Variants in LRRTM4 observed in about 807,000 individuals in gnomAD.
LRRTM4 encodes leucine-rich repeat transmembrane neuronal protein 4.
A neutral mutation model predicts 47.6 loss-of-function variants in LRRTM4; 25 were observed. The observed-to-expected ratio is 0.53, with a 90% CI of 0.38 to 0.73. LRRTM4 has a LOEUF of 0.73. LRRTM4 is among the 30% of genes least tolerant of loss of function. The pLI, the probability that LRRTM4 is intolerant of heterozygous loss-of-function variation, is 0.00. For synonymous variants in LRRTM4, 311 were observed against 269.5 expected, an observed-to-expected ratio of 1.15 and a Z score of -1.51; for missense variants, 638 against 713.4, an observed-to-expected ratio of 0.89 and a Z score of 1.20.
chr2:76,903,817 A>T (rs1208000601), intron 3 of LRRTM4, among the ~76,000 whole-genome samples: 3 of 152,232 alleles, frequency 2.0e-5, no homozygotes, highest in African/African-American at 7.2e-5. Context: ...GATCATAGAA[A>T]GGTGGCATCG....
intron 3 of LRRTM4, among the ~76,000 whole-genome samples, chr2:76,783,524 T>G (rs950284859): frequency 2.6e-5 from 4 of 152,164 alleles, no homozygotes; most frequent in Admixed American, 2.6e-4. Context: ...CTGTACCTAT[T>G]AAGGCGTAAC....
intron 3 of LRRTM4, among the ~76,000 whole-genome samples, chr2:76,948,879 T>C (rs1675409509): frequency 6.6e-6 from 1 of 151,894 alleles, no homozygotes; most frequent in East Asian, 1.9e-4. Context: ...TTGTACATTT[T>C]ATGAGAAGGA....
At chr2:77,516,913 T>C in intron 3 of LRRTM4, 5 of 984,622 alleles carry the variant, frequency 5.1e-6, no homozygotes, top group Non-Finnish European at 6.0e-6. Context: ...AATTGGAGTA[T>C]ATGCTATCAA....
intron 3 of LRRTM4, among the ~76,000 whole-genome samples, chr2:77,494,429 C>G (rs1292650634): frequency 1.3e-5 from 2 of 151,904 alleles, no homozygotes; most frequent in Non-Finnish European, 2.9e-5. Context: ...ATGAGTTGTG[C>G]TAGTGGTCCC....
chr2:77,039,815 T>C (rs1366537344), intron 3 of LRRTM4, among the ~76,000 whole-genome samples: 3 of 151,128 alleles, frequency 2.0e-5, no homozygotes, highest in Non-Finnish European at 4.5e-5. Context: ...AACAAAATAA[T>C]TAGGACAACA....
chr2:76,875,382 T>G (rs993675753), intron 3 of LRRTM4, among the ~76,000 whole-genome samples: 1 of 152,128 alleles, frequency 6.6e-6, no homozygotes, highest in African/African-American at 2.4e-5. Context: ...ATGTGACTCA[T>G]CATATTGCTT....
chr2:77,106,550 A>T (rs1671097072), intron 3 of LRRTM4, among the ~76,000 whole-genome samples: 2 of 152,150 alleles, frequency 1.3e-5, no homozygotes, highest in Non-Finnish European at 2.9e-5. Flanking sequence ...TTAAAAAAAA[A>T]CTTAATGAAG....
chr2:76,954,319 T>A (rs1675598834), intron 3 of LRRTM4, among the ~76,000 whole-genome samples: 1 of 151,464 alleles, frequency 6.6e-6, no homozygotes. Flanking sequence ...AAACAATGCA[T>A]GAACAAAACG....
chr2:77,178,974 A>T (rs1394444635), intron 3 of LRRTM4, among the ~76,000 whole-genome samples: 1 of 152,242 alleles, frequency 6.6e-6, no homozygotes, highest in Non-Finnish European at 1.5e-5. Flanking sequence ...ATCAATATAC[A>T]TACACATATG....
chr2:77,501,850 A>G (rs942065242), intron 3 of LRRTM4, among the ~76,000 whole-genome samples: 7 of 151,350 alleles, frequency 4.6e-5, no homozygotes, highest in African/African-American at 1.7e-4. Flanking sequence ...CAAACATAAG[A>G]AATTGCATGT....
chr2:77,478,869 T>C (rs1168309749), intron 3 of LRRTM4, among the ~76,000 whole-genome samples: 2 of 152,190 alleles, frequency 1.3e-5, no homozygotes, highest in Non-Finnish European at 2.9e-5. Context: ...GTGAATGATC[T>C]TTCTGTAATT....
intron 3 of LRRTM4, among the ~76,000 whole-genome samples, chr2:76,843,240 G>A (rs1246583057): frequency 6.6e-6 from 1 of 152,094 alleles, no homozygotes; most frequent in Non-Finnish European, 1.5e-5. Flanking sequence ...GATGGTCAGA[G>A]TATGGTTTGA....
At chr2:76,916,084 A>G (rs1573308847) in intron 3 of LRRTM4, among the ~76,000 whole-genome samples, 1 of 152,278 alleles carries the variant, frequency 6.6e-6, no homozygotes, top group East Asian at 1.9e-4. Context: ...AGAACAAAAA[A>G]TGACACACAG....
At chr2:77,238,403 C>A (rs941829519) in intron 3 of LRRTM4, among the ~76,000 whole-genome samples, 2 of 151,968 alleles carry the variant, frequency 1.3e-5, no homozygotes, top group African/African-American at 4.8e-5. Flanking sequence ...AGTTTGTCTG[C>A]CACAGAGAGG....
intron 2 of LRRTM4, among the ~76,000 whole-genome samples, chr2:77,521,133 G>A (rs1249280140): frequency 6.6e-6 from 1 of 151,746 alleles, no homozygotes; most frequent in Non-Finnish European, 1.5e-5. Flanking sequence ...TCCCAGACAG[G>A]AGAAAGGGGG....
chr2:77,374,862 G>A (rs1672774800), intron 3 of LRRTM4, among the ~76,000 whole-genome samples: 1 of 151,598 alleles, frequency 6.6e-6, no homozygotes, highest in Admixed American at 6.6e-5. Flanking sequence ...CTCTTTTTGT[G>A]AAATGGGAAA....
At chr2:76,896,870 A>G (rs1673433919) in intron 3 of LRRTM4, among the ~76,000 whole-genome samples, 1 of 149,170 alleles carries the variant, frequency 6.7e-6, no homozygotes, top group Non-Finnish European at 1.5e-5. Flanking sequence ...AGATAGAGTT[A>G]AATAATCATG....
chr2:76,748,633 C>T lies in LRRTM4; in HGVS notation c.*62G>A. 7.3e-7 allele frequency: 1 copy of T among 1,361,528 alleles called. No homozygotes were observed. The allele number at this position is 1,361,528 out of a possible 1,614,324, so 84.3% of individuals were successfully genotyped here. A position where few individuals can be genotyped will look rare whatever the true frequency, so the allele number is the denominator to read the frequency against. On this transcript the variant is annotated 3_prime_UTR_variant, in exon 4 of 4. Coordinates refer to ENST00000409884, the MANE Select transcript of LRRTM4 (RefSeq NM_001134745.3). ...TGCGCGATTGTGGACACCCATTCTC[C>T]TTTAAGATGAAGGCCCTCCCTCCCC...
chr2:77,026,298 T>G (rs1013591809), intron 3 of LRRTM4, among the ~76,000 whole-genome samples: 1 of 152,092 alleles, frequency 6.6e-6, no homozygotes, highest in Non-Finnish European at 1.5e-5. Context: ...AAGGTAGATA[T>G]TATATTTCCT....
Sources: allele counts gnomAD v4.1 joint callset (sites outside exome capture counted in the v4.1 genomes callset), GRCh38; gene constraint gnomAD v4.1.1; transcripts MANE v1.5; gene names NCBI Gene and HGNC (gene_info 2026-07-23, HGNC 2026-07-21).